The following TENM3 variants were observed in gnomAD, a reference collection of about 807,000 sequenced individuals.
TENM3 encodes the protein teneurin transmembrane protein 3.
TENM3 carries 63 observed loss-of-function variants against 255.1 expected under a neutral mutation model. The ratio of observed to expected loss-of-function variants is 0.25; its 90% CI spans 0.20 to 0.30. TENM3 has a LOEUF of 0.30. Ranked by LOEUF, TENM3 falls within the 10% of genes least tolerant of loss-of-function variation. The pLI is 1.00. For synonymous variants in TENM3, 1,306 were observed against 1,322.3 expected (o/e 0.99, Z 0.27); for missense variants, 2,929 against 3,461.1 (o/e 0.85, Z 3.86).
At chr4:182,478,231 A>C (rs1733863488) in intron 3 of TENM3, among the ~76,000 whole-genome samples, 1 of 152,094 alleles carries the variant, frequency 6.6e-6, no homozygotes, top group Non-Finnish European at 1.5e-5. Context: ...TTAAAAATAA[A>C]CACTAAAAAT....
chr4:182,013,976 ACGTGT>A, the TENM3 span, among the ~76,000 whole-genome samples: 3 of 114,466 alleles, frequency 2.6e-5, no homozygotes, highest in East Asian at 7.9e-4. Context: ...ACGTATATAT[ACGTGT>A]ATATACGTAT....
At chr4:182,310,197 A>G (rs1001440896) in intron 1 of TENM3, among the ~76,000 whole-genome samples, 4 of 126,578 alleles carry the variant, frequency 3.2e-5, no homozygotes, top group Admixed American at 7.9e-5. Flanking sequence ...TTTCAGAAGC[A>G]TATTTCTTTT....
At chr4:181,862,494 T>G in the TENM3 span, among the ~76,000 whole-genome samples, 9 of 152,090 alleles carry the variant, frequency 5.9e-5, no homozygotes, top group Non-Finnish European at 1.3e-4. Flanking sequence ...GCTTTTAAGC[T>G]TCATTAACAA....
intron 3 of TENM3, among the ~76,000 whole-genome samples, chr4:182,425,389 C>G (rs76280188): frequency 2.6e-5 from 4 of 152,120 alleles, no homozygotes; most frequent in Non-Finnish European, 5.9e-5. Flanking sequence ...TATTAACCTC[C>G]TCTGTAAGGA....
At chr4:181,816,718 C>G in the TENM3 span, among the ~76,000 whole-genome samples, 2 of 152,174 alleles carry the variant, frequency 1.3e-5, no homozygotes, top group African/African-American at 4.8e-5. Flanking sequence ...CTCCTCTTCT[C>G]CCTCCTATCT....
At chr4:182,413,631 A>G (rs182025256) in intron 3 of TENM3, among the ~76,000 whole-genome samples, 208 of 152,014 alleles carry the variant, frequency 1.4e-3, no homozygotes, top group Middle Eastern at 6.8e-3. Flanking sequence ...AAAAAACCAC[A>G]TTATCTACAA....
chr4:181,553,825 G>A, the TENM3 span, among the ~76,000 whole-genome samples: 1 of 151,892 alleles, frequency 6.6e-6, no homozygotes, highest in African/African-American at 2.4e-5. Context: ...ATGAAGCTGG[G>A]GACAAACTCA....
At chr4:182,744,488 A>T (rs1302124062) in intron 19 of TENM3, among the ~76,000 whole-genome samples, 2 of 152,234 alleles carry the variant, frequency 1.3e-5, no homozygotes, top group African/African-American at 4.8e-5. Context: ...CATGTTGAAC[A>T]GCATGAAACC....
At chr4:182,032,924 C>G in the TENM3 span, among the ~76,000 whole-genome samples, 7 of 151,060 alleles carry the variant, frequency 4.6e-5, no homozygotes, top group African/African-American at 7.3e-5. Flanking sequence ...GTGTTTGAGT[C>G]TTCACTCTTT....
intron 20 of TENM3, 53 bp downstream of exon 20, chr4:182,752,085 A>AT (rs1762416191): frequency 1.7e-6 from 2 of 1,150,286 alleles, no homozygotes; most frequent in East Asian, 5.2e-5. Flanking sequence ...AAAAAAAAAA[A>AT]AAAGGGGTTG....
chr4:181,861,308 G>A, the TENM3 span, among the ~76,000 whole-genome samples: 13 of 152,246 alleles, frequency 8.5e-5, no homozygotes, highest in East Asian at 2.3e-3. Flanking sequence ...CATGAAAGAA[G>A]GTGGAATAAA....
rs1480279581 is a variant in TENM3, at chr4:182,754,184, A to G, written c.4018-201A>G. Among the ~76,000 whole-genome samples, 1 of 152,220 alleles carries G rather than the reference A, an allele frequency of 6.6e-6. No homozygotes were observed. The highest frequency in any genetic ancestry group is 2.4e-5 in the African/African-American group (1 of 41,454). ...ACTAGCAAATCTTTCTGTGAGCTGA[A>G]TTTTAAAATAAAGTGTTATTTCCTG... On this transcript the variant is annotated intron_variant, in intron 21 of 27. Transcript: ENST00000511685. The surrounding 1 kb of genome is among the most constrained non-coding windows in gnomAD (Gnocchi z 5.1).
the TENM3 span, among the ~76,000 whole-genome samples, chr4:182,051,629 G>A: frequency 2.6e-5 from 4 of 152,054 alleles, no homozygotes; most frequent in Middle Eastern, 3.4e-3. Context: ...TGCCCGCCTC[G>A]GGCAAAGTGC....
At chr4:181,614,769 A>G in the TENM3 span, among the ~76,000 whole-genome samples, 1 of 152,320 alleles carries the variant, frequency 6.6e-6, no homozygotes, top group South Asian at 2.1e-4. Context: ...AGCTTTCTAG[A>G]TGTCTGCATA....
At chr4:182,623,953 T>G (rs1037682006) in intron 4 of TENM3, among the ~76,000 whole-genome samples, 4 of 152,190 alleles carry the variant, frequency 2.6e-5, no homozygotes, top group Non-Finnish European at 5.9e-5. Flanking sequence ...CGAGGCTCCC[T>G]GACTGCATCG....
At chr4:182,084,590 T>C in the TENM3 span, among the ~76,000 whole-genome samples, 1 of 152,266 alleles carries the variant, frequency 6.6e-6, no homozygotes, top group South Asian at 2.1e-4. Flanking sequence ...TTATTGAACC[T>C]TACTTGTTGA....
At chr4:182,569,874 G>A (rs897111401) in intron 3 of TENM3, among the ~76,000 whole-genome samples, 2 of 139,536 alleles carry the variant, frequency 1.4e-5, no homozygotes, top group Non-Finnish European at 3.0e-5. Flanking sequence ...TGGAAGCCTC[G>A]GAAAAGGTGA....
At position 182,730,869 on chromosome 4, in the gene TENM3, C is replaced by CT; in HGVS notation, c.2706-6dup. ...GACAATTCACTAAGCATACCTTGTT[C>CT]TTTCTTAGGTTTGACTTGGTGGCAA... On this transcript the variant is annotated splice_polypyrimidine_tract_variant and intron_variant, in intron 15 of 27. Transcript: ENST00000511685. The CT allele has an allele frequency of 8.1e-6, 13 of 1,613,110 alleles. No homozygotes were observed. Among genetic ancestry groups the CT allele is most frequent in the Non-Finnish European group, 1.1e-5 (13 of 1,179,234 alleles).
intron 3 of TENM3, among the ~76,000 whole-genome samples, chr4:182,394,762 A>G (rs1348563070): frequency 6.6e-6 from 1 of 152,194 alleles, no homozygotes; most frequent in Non-Finnish European, 1.5e-5. Context: ...AATATTCTTA[A>G]AGCATAAACA....
Sources: allele counts gnomAD v4.1 joint callset (sites outside exome capture counted in the v4.1 genomes callset), GRCh38; gene constraint gnomAD v4.1.1; non-coding constraint Gnocchi (gnomAD v3.1); transcripts MANE v1.5; gene names NCBI Gene and HGNC (gene_info 2026-07-23, HGNC 2026-07-21).